The following TMEM178A variants were observed in gnomAD, a reference collection of about 807,000 sequenced individuals.
TMEM178A encodes transmembrane protein 178A.
A neutral mutation model predicts 29.1 loss-of-function variants in TMEM178A; 12 were observed. The observed-to-expected ratio is 0.41, with a 90% CI of 0.26 to 0.67. The LOEUF is 0.67. TMEM178A is among the 30% of genes least tolerant of loss of function. TMEM178A has a pLI of 0.29. For missense variants in TMEM178A, 366 were observed against 419.1 expected, an observed-to-expected ratio of 0.87 and a Z score of 1.11; for synonymous variants, 210 against 187.2, an observed-to-expected ratio of 1.12 and a Z score of -0.99.
chr2:39,704,592 C>T (rs1233955109), intron 2 of TMEM178A, among the ~76,000 whole-genome samples: 7 of 152,066 alleles, frequency 4.6e-5, no homozygotes, highest in Non-Finnish European at 1.0e-4. Flanking sequence ...TGTTCATCTC[C>T]GACCTTTGTA....
the TMEM178A span, among the ~76,000 whole-genome samples, chr2:39,728,320 T>C: frequency 6.6e-6 from 1 of 152,174 alleles, no homozygotes; most frequent in Non-Finnish European, 1.5e-5. Flanking sequence ...GCTTTCTAGG[T>C]TACACAGGAA....
intron 1 of TMEM178A, among the ~76,000 whole-genome samples, chr2:39,675,309 A>T (rs1377097426): frequency 6.6e-6 from 1 of 152,142 alleles, no homozygotes; most frequent in Admixed American, 6.5e-5. Flanking sequence ...GATTTGGAAA[A>T]TTGGCAGCTG....
chr2:39,722,458 GCTAA>G (rs574624258), downstream of TMEM178A, among the ~76,000 whole-genome samples: 5 of 152,172 alleles, frequency 3.3e-5, no homozygotes, highest in Non-Finnish European at 7.3e-5. Context: ...GCTCCTTCTT[GCTAA>G]CTGACCCAGC....
At chr2:39,684,493 A>T (rs1415242254) in intron 1 of TMEM178A, among the ~76,000 whole-genome samples, 1 of 152,220 alleles carries the variant, frequency 6.6e-6, no homozygotes, top group African/African-American at 2.4e-5. Flanking sequence ...GCATTAAGCC[A>T]CATAATTTTC....
chr2:39,710,327 C>T (rs540575017), intron 3 of TMEM178A, among the ~76,000 whole-genome samples: 4 of 152,244 alleles, frequency 2.6e-5, no homozygotes, highest in South Asian at 2.1e-4. Context: ...GCCCAAACAA[C>T]GTTATTGAAA....
chr2:39,682,962 A>G (rs1473491237), intron 1 of TMEM178A, among the ~76,000 whole-genome samples: 1 of 152,186 alleles, frequency 6.6e-6, no homozygotes, highest in Non-Finnish European at 1.5e-5. Flanking sequence ...ATGACAGCCC[A>G]TTACCACCTC....
intron 1 of TMEM178A, among the ~76,000 whole-genome samples, chr2:39,684,673 C>T (rs1434171313): frequency 3.3e-5 from 5 of 152,218 alleles, no homozygotes; most frequent in Admixed American, 1.3e-4. Flanking sequence ...TGATAACTTA[C>T]TGGATGGAGT....
At chr2:39,666,570 T>C (rs1670171203) in intron 1 of TMEM178A, among the ~76,000 whole-genome samples, 196 bp downstream of exon 1, 1 of 152,102 alleles carries the variant, frequency 6.6e-6, no homozygotes, top group Non-Finnish European at 1.5e-5. Context: ...CTCCCTCTCC[T>C]TGACTCTCTT....
At chr2:39,735,631 A>C in the TMEM178A span, among the ~76,000 whole-genome samples, 1 of 152,248 alleles carries the variant, frequency 6.6e-6, no homozygotes, top group African/African-American at 2.4e-5. Context: ...TCAGAGTATC[A>C]GTCTCCATTA....
rs78818353 is a variant in TMEM178A at position 39,706,633 on chromosome 2, C to T, written c.515-416C>T. 6.4e-5 allele frequency among the ~76,000 whole-genome samples: 9 copies of T among 140,682 alleles called. No homozygotes were observed. In the South Asian group the frequency reaches 1.6e-3, roughly 25 times the overall value. 92.3% of individuals were successfully genotyped at this position (140,682 alleles called of 152,430 possible). A position where few individuals can be genotyped will look rare whatever the true frequency, so the allele number is the denominator to read the frequency against. ...GTAGTAACCTACATTTCTTTTTTTT[C>T]CCCTTTTAAAATTTCAATAGTTTTT... On this transcript the variant is annotated intron_variant, in intron 2 of 3. Coordinates refer to ENST00000281961, the MANE Select transcript of TMEM178A (RefSeq NM_152390.3).
intron 1 of TMEM178A, among the ~76,000 whole-genome samples, chr2:39,673,237 G>C (rs150691487): frequency 1.3e-5 from 2 of 152,150 alleles, no homozygotes; most frequent in Non-Finnish European, 2.9e-5. Context: ...GCAGAGTCAC[G>C]GGAAACTACA....
At chr2:39,725,908 A>C in the TMEM178A span, among the ~76,000 whole-genome samples, 2 of 152,202 alleles carry the variant, frequency 1.3e-5, no homozygotes, top group African/African-American at 4.8e-5. Flanking sequence ...CATGTGGTCA[A>C]ATGAATGACC....
intron 1 of TMEM178A, among the ~76,000 whole-genome samples, chr2:39,677,406 A>G (rs1190021198): frequency 1.3e-5 from 2 of 152,222 alleles, no homozygotes; most frequent in Admixed American, 1.3e-4. Context: ...TATAAATATA[A>G]TAACTTTGAA....
chr2:39,720,257 C>A (rs1025374139), downstream of TMEM178A, among the ~76,000 whole-genome samples: 2 of 152,030 alleles, frequency 1.3e-5, no homozygotes, highest in African/African-American at 4.8e-5. Context: ...ATTTCTTATT[C>A]GAAATTGAAG....
At chr2:39,680,123 A>G (rs761750055) in intron 1 of TMEM178A, among the ~76,000 whole-genome samples, 1 of 152,160 alleles carries the variant, frequency 6.6e-6, no homozygotes, top group Non-Finnish European at 1.5e-5. Flanking sequence ...TTAACTAGCT[A>G]TGTGACCTTG....
At chr2:39,735,387 T>C in the TMEM178A span, among the ~76,000 whole-genome samples, 1 of 152,156 alleles carries the variant, frequency 6.6e-6, no homozygotes. Context: ...TCTTGCTTTT[T>C]CTTTGAGTTG....
At chr2:39,666,631 C>T (rs1670174896) in intron 1 of TMEM178A, among the ~76,000 whole-genome samples, 2 of 152,310 alleles carry the variant, frequency 1.3e-5, no homozygotes, top group African/African-American at 4.8e-5. Context: ...CACCTCCCGC[C>T]TCTGTCTCCT....
intron 1 of TMEM178A, among the ~76,000 whole-genome samples, chr2:39,690,867 A>G (rs1332356156): frequency 6.6e-6 from 1 of 152,230 alleles, no homozygotes; most frequent in African/African-American, 2.4e-5. Flanking sequence ...GAACAAAATG[A>G]TAAGTTCAGT....
rs2540229 is a variant in TMEM178A, at chr2:39,716,915, G to T, written c.653-95G>T. ...TTGTGAATTTGGAGTGACTGCCTCA[G>T]TGGTTGATCTGATTTTCATAAAGGC... On this transcript the variant is annotated intron_variant, in intron 3 of 3. Coordinates refer to ENST00000281961, the MANE Select transcript of TMEM178A (RefSeq NM_152390.3). 5 of 1,417,090 alleles carry T rather than the reference G, an allele frequency of 3.5e-6. No homozygotes were observed. The African/African-American group carries it at 5.8e-5, about 16-fold the overall frequency. The allele number at this position is 1,417,090 out of a possible 1,614,324, so 87.8% of individuals were successfully genotyped here. A position where few individuals can be genotyped will look rare whatever the true frequency, so the allele number is the denominator to read the frequency against.
Sources: gnomAD v4.1 joint callset for allele counts (sites outside exome capture counted in the v4.1 genomes callset) on GRCh38, gnomAD v4.1.1 for gene constraint, MANE v1.5 for transcripts, NCBI Gene and HGNC (gene_info 2026-07-23, HGNC 2026-07-21) for gene names.